LRPPRC: variants seen among roughly 807,000 people sequenced by gnomAD.
LRPPRC encodes leucine rich pentatricopeptide repeat containing.
Under a neutral mutation model 180.3 loss-of-function variants are expected in LRPPRC, and 120 were observed. That is an observed-to-expected ratio of 0.67 (90% CI 0.57 to 0.77). The LOEUF (loss-of-function observed/expected upper bound fraction) is 0.77, where lower values mean the gene tolerates loss of function less well. Ranked by LOEUF, LRPPRC falls within the 30% of genes least tolerant of loss-of-function variation. The pLI is 0.00. For missense variants in LRPPRC, 2,012 were observed against 1,657.2 expected (o/e 1.21, Z -3.72); for synonymous variants, 723 against 600.0 (o/e 1.21, Z -3.00).
intron 23 of LRPPRC, among the ~76,000 whole-genome samples, chr2:43,937,364 G>C (rs1672313119): frequency 6.6e-6 from 1 of 152,076 alleles, no homozygotes; most frequent in African/African-American, 2.4e-5. Flanking sequence ...CAAAGTAAAT[G>C]ACTAGTCAGT....
intron 27 of LRPPRC, among the ~76,000 whole-genome samples, chr2:43,919,739 G>A (rs1671628385): frequency 6.6e-6 from 1 of 152,078 alleles, no homozygotes; most frequent in Middle Eastern, 3.4e-3. Context: ...TATGAAAAAT[G>A]TCACATGACA....
chr2:43,982,153 C>G lies in LRPPRC; in HGVS notation c.346+85G>C, dbSNP rs182863951. ...GAACACTTGGCCTCAAGCGATCTAC[C>G]TGCCTCCCAAAGTGCTGGGATTACA... is the stretch of plus-strand genomic sequence containing the variant. On this transcript the variant is annotated intron_variant, in intron 2 of 37. Coordinates refer to ENST00000260665, the MANE Select transcript of LRPPRC (RefSeq NM_133259.4). 1.0e-5 allele frequency: 9 copies of G among 899,830 alleles called. No individual in the cohort carries two copies. In the African/African-American group the frequency reaches 1.0e-4, roughly 10 times the overall value. The allele number at this position is 899,830 out of a possible 1,614,324, so 55.7% of individuals were successfully genotyped here.
intron 3 of LRPPRC, among the ~76,000 whole-genome samples, chr2:43,978,493 T>G (rs1333333932): frequency 1.3e-5 from 2 of 152,160 alleles, no homozygotes; most frequent in African/African-American, 2.4e-5. Context: ...TGTGTAATGC[T>G]TTTTTCTATT....
At chr2:43,941,784 T>C (rs1336211797) in intron 23 of LRPPRC, among the ~76,000 whole-genome samples, 2 of 142,474 alleles carry the variant, frequency 1.4e-5, no homozygotes, top group Non-Finnish European at 3.0e-5. Context: ...CTTTTTATTA[T>C]GATAGATGAA....
chr2:43,928,219 A>G (rs1025292029), intron 25 of LRPPRC, among the ~76,000 whole-genome samples: 6 of 152,146 alleles, frequency 3.9e-5, no homozygotes, highest in East Asian at 1.9e-4. Context: ...TGTATAGGGG[A>G]AAAAAAAGTA....
In LRPPRC at chr2:43,918,265, G is replaced by A. The variant is rs147000685; in HGVS notation, c.3030C>T (p.Asp1010=). 379 of 1,613,034 alleles carry A rather than the reference G, an allele frequency of 2.3e-4. 1 individual carries two copies. The African/African-American group carries it at 4.0e-3, about 17-fold the overall frequency. The change falls in exon 28 of 38, where the codon GAC becomes GAT. Residue 1010 remains aspartate, a synonymous_variant. Transcript: ENST00000260665. ...LREGNQEVPF[D]VPELWYEDEK... ...TGCCAAAAACAATTACCTCAGGTAC[G>A]TCAAACGGAACTTCCTGGTTACCCT...
chr2:43,935,026 GA>G (rs907689340), intron 23 of LRPPRC, 148 bp from the exon 24 acceptor site: 50 of 594,202 alleles, frequency 8.4e-5, no homozygotes, highest in African/African-American at 2.8e-4. Context: ...TAAAATGGGG[GA>G]AAAAAAGAAA....
chr2:43,972,183 AG>A (rs1432090727), intron 11 of LRPPRC, among the ~76,000 whole-genome samples: 1 of 152,194 alleles, frequency 6.6e-6, no homozygotes, highest in African/African-American at 2.4e-5. Flanking sequence ...TAGACGTGGA[AG>A]CTAAGGTCAG....
At chr2:43,993,338 C>G (rs776229758) in intron 1 of LRPPRC, among the ~76,000 whole-genome samples, 1 of 152,068 alleles carries the variant, frequency 6.6e-6, no homozygotes, top group Non-Finnish European at 1.5e-5. Context: ...CCTCGAGGCA[C>G]CTTAAGGAAT....
intron 25 of LRPPRC, among the ~76,000 whole-genome samples, chr2:43,931,921 C>T (rs1171713632): frequency 1.3e-5 from 2 of 151,862 alleles, no homozygotes; most frequent in East Asian, 3.9e-4. Flanking sequence ...GTCTTTCTCC[C>T]TTCCCTTCAT....
chr2:43,913,918 C>T (rs1156960964), intron 29 of LRPPRC, among the ~76,000 whole-genome samples: 5 of 152,058 alleles, frequency 3.3e-5, no homozygotes, highest in African/African-American at 9.7e-5. Context: ...TTTTCTGAAA[C>T]GGGAGAAAAT....
intron 27 of LRPPRC, among the ~76,000 whole-genome samples, chr2:43,920,686 A>T (rs928540944): frequency 4.6e-5 from 2 of 43,392 alleles, no homozygotes; most frequent in East Asian, 0.12. Flanking sequence ...ATTTGATTTA[A>T]AAAAAAAAAA....
At chr2:43,888,919 T>C (rs1406444697) in intron 37 of LRPPRC, among the ~76,000 whole-genome samples, 1 of 152,116 alleles carries the variant, frequency 6.6e-6, no homozygotes, top group Non-Finnish European at 1.5e-5. Flanking sequence ...TGTGCACATA[T>C]GGAGGTATGG....
chr2:43,920,936 C>G (rs969856109), intron 27 of LRPPRC, among the ~76,000 whole-genome samples: 2 of 152,128 alleles, frequency 1.3e-5, no homozygotes, highest in African/African-American at 4.8e-5. Context: ...AAAAAAAGCA[C>G]AAATTATACA....
At chr2:43,925,762 A>C (rs1671854633) in intron 26 of LRPPRC, 131 bp downstream of exon 26, 1 of 742,090 alleles carries the variant, frequency 1.3e-6, no homozygotes, top group East Asian at 2.5e-5. Context: ...CTTATCTGGC[A>C]AATGATCGAG....
intron 30 of LRPPRC, among the ~76,000 whole-genome samples, chr2:43,909,972 C>T (rs1671199670): frequency 6.6e-6 from 1 of 152,158 alleles, no homozygotes; most frequent in Non-Finnish European, 1.5e-5. Context: ...TTTACATAGA[C>T]AACCCAATCC....
In LRPPRC at chr2:43,974,611, T is replaced by A; in HGVS notation, c.1009+3A>T. 1 of 1,563,098 alleles carries A rather than the reference T, an allele frequency of 6.4e-7. No homozygotes were observed. The highest frequency in any genetic ancestry group is 8.8e-7 in the Non-Finnish European group (1 of 1,135,798). ...TCATGTAAATAGATTTTTTTAAAAC[T>A]ACCTGGAATATATCTTCTTTCACAT... On this transcript the variant is annotated splice_donor_region_variant and intron_variant, in intron 8 of 37. Coordinates refer to ENST00000260665, the MANE Select transcript of LRPPRC (RefSeq NM_133259.4).
In LRPPRC at chr2:43,979,950, T is replaced by A. The variant is rs1157612297; in HGVS notation, c.347-2A>T. The A allele has an allele frequency of 6.2e-7, 1 of 1,613,676 alleles. No individual in the cohort carries two copies. Among genetic ancestry groups the A allele is most frequent in the East Asian group, 2.2e-5 (1 of 44,822 alleles). ...AGGCATGACTACCACCTAGGCCACCTGTGGAAAAAAGGTTAATGGATAACA... is the reference window on the plus strand; with the variant it reads ...AGGCATGACTACCACCTAGGCCACCAGTGGAAAAAAGGTTAATGGATAACA... On this transcript the variant is annotated splice_acceptor_variant, in intron 2 of 37. Transcript: ENST00000260665. LOFTEE classifies it high-confidence loss of function.
At chr2:43,953,225 G>A (rs144299643) in intron 14 of LRPPRC, among the ~76,000 whole-genome samples, 1,853 of 152,222 alleles carry the variant, frequency 0.012, 23 homozygotes, top group Non-Finnish European at 0.019. Flanking sequence ...TCATAGTTAC[G>A]AAGACTAGTT....
Sources: allele counts gnomAD v4.1 joint callset (sites outside exome capture counted in the v4.1 genomes callset), GRCh38; gene constraint gnomAD v4.1.1; transcripts MANE v1.5; gene names NCBI Gene and HGNC (gene_info 2026-07-23, HGNC 2026-07-21).